The following KCNK13 variants were observed in gnomAD, a reference collection of about 807,000 sequenced individuals.
KCNK13 encodes the protein potassium two pore domain channel subfamily K member 13, also known as potassium channel subfamily K member 13.
In KCNK13, 12 loss-of-function variants were observed where a neutral mutation model predicts 23.4. That is an observed-to-expected ratio of 0.51 (90% CI 0.33 to 0.83). The LOEUF is 0.83. KCNK13 is among the 40% of genes least tolerant of loss of function. The probability of loss-of-function intolerance (pLI) is 0.02; values close to 1 mark genes in which losing one functional copy is unlikely to be tolerated. For synonymous variants in KCNK13, 231 were observed against 229.5 expected (o/e 1.01, Z -0.06); for missense variants, 463 against 556.3 (o/e 0.83, Z 1.69).
intron 1 of KCNK13, among the ~76,000 whole-genome samples, chr14:90,133,244 C>T (rs933965003): frequency 9.9e-5 from 15 of 152,058 alleles, no homozygotes; most frequent in African/African-American, 3.1e-4. Context: ...AGGCACAGAC[C>T]TCAAAAACAT....
rs1555352688 is a variant in KCNK13, at chr14:90,156,214, A to AAAG, written c.335-27895_335-27894insGAA. Among the ~76,000 whole-genome samples the AAAG allele has an allele frequency of 2.0e-5, 3 of 151,922 alleles. No homozygotes were observed. In the East Asian group the frequency reaches 5.8e-4, roughly 29 times the overall value. On this transcript the variant is annotated intron_variant, in intron 1 of 1. Transcript: ENST00000282146. ...AGTGAGAGTCTGGCCAAAAAAAAAA[A>AAAG]AAACCTAAAAGACGTCAGCATAGAG...
At chr14:90,090,994 T>C in intron 1 of KCNK13, among the ~76,000 whole-genome samples, 1 of 152,190 alleles carries the variant, frequency 6.6e-6, no homozygotes, top group East Asian at 1.9e-4. Flanking sequence ...GGGAGCTCAG[T>C]GCTTCTTCTG....
chr14:90,104,791 C>CTTTTTTTT (rs66511223), intron 1 of KCNK13, among the ~76,000 whole-genome samples: 1 of 113,504 alleles, frequency 8.8e-6, no homozygotes, highest in African/African-American at 3.5e-5. Context: ...CTTTTCTTTT[C>CTTTTTTTT]TTTTTTTTTT....
chr14:90,103,897 C>T lies in KCNK13; in HGVS notation c.334+41358C>T, dbSNP rs561322331. 5.3e-5 allele frequency among the ~76,000 whole-genome samples: 8 copies of T among 152,208 alleles called. No individual in the cohort carries two copies. The South Asian group carries it at 1.7e-3, about 32-fold the overall frequency. ...TTTTGTTGTTGTTGTTTCTCTCTCT[C>T]TCCTGGACCAGAGAGATCTCTAAGT... On this transcript the variant is annotated intron_variant, in intron 1 of 1. Coordinates refer to ENST00000282146, the MANE Select transcript of KCNK13 (RefSeq NM_022054.4).
intron 1 of KCNK13, among the ~76,000 whole-genome samples, chr14:90,069,101 A>G (rs374737700): frequency 4.5e-5 from 6 of 132,558 alleles, no homozygotes; most frequent in East Asian, 4.5e-4. Flanking sequence ...CAGTGGCGCG[A>G]TCTTGGCTCA....
chr14:90,184,632 T>C lies in KCNK13; in HGVS notation c.856T>C (p.Ser286Pro). 1 of 1,614,200 alleles carries C rather than the reference T, an allele frequency of 6.2e-7. No individual in the cohort carries two copies. The highest frequency in any genetic ancestry group is 8.5e-7 in the Non-Finnish European group (1 of 1,180,034). ...TGTCATCTCTATCCTCATCAAACAGTCCTTGAACTGGATCCTGAGGAAAAT... is the reference window on the plus strand; with the variant it reads ...TGTCATCTCTATCCTCATCAAACAGCCCTTGAACTGGATCCTGAGGAAAAT... Reference protein sequence around the residue: ...FNVISILIKQSLNWILRKMDS... With the variant: ...FNVISILIKQPLNWILRKMDS... Residue 286 changes from serine to proline, a missense_variant, in exon 2 of 2, where the codon TCC becomes CCC. Physicochemically the swap from Ser to Pro is moderately conservative, Grantham distance 74. Coordinates refer to ENST00000282146, the MANE Select transcript of KCNK13 (RefSeq NM_022054.4). This position sits in a 1 kb window ranked among gnomAD's most constrained non-coding sequence, Gnocchi z 5.6.
rs1013851032 is a variant in KCNK13, at chr14:90,107,630, A to C, written c.334+45091A>C. 31 of 611,390 alleles carry C rather than the reference A, an allele frequency of 5.1e-5. 1 individual carries two copies. Among genetic ancestry groups the C allele is most frequent in the Non-Finnish European group, 9.1e-6 (3 of 331,320 alleles). The allele number at this position is 611,390 out of a possible 1,614,324, so 37.9% of individuals were successfully genotyped here. A position where few individuals can be genotyped will look rare whatever the true frequency, so the allele number is the denominator to read the frequency against. On this transcript the variant is annotated intron_variant, in intron 1 of 1. Transcript: ENST00000282146. ...AGGTTTGGCTCAATACTCATGCAATACCTACAACTGAGGATTCTTCCCAGG... is the reference window on the plus strand; with the variant it reads ...AGGTTTGGCTCAATACTCATGCAATCCCTACAACTGAGGATTCTTCCCAGG...
At chr14:90,114,742 C>T (rs950373692) in intron 1 of KCNK13, among the ~76,000 whole-genome samples, 7 of 152,164 alleles carry the variant, frequency 4.6e-5, no homozygotes, top group African/African-American at 9.7e-5. Context: ...CCTGATTCTC[C>T]GGGTGTTCCT....
chr14:90,100,719 C>A (rs941601010), intron 1 of KCNK13, among the ~76,000 whole-genome samples: 2 of 152,098 alleles, frequency 1.3e-5, no homozygotes, highest in Non-Finnish European at 2.9e-5. Context: ...TGGGACGGGG[C>A]CTTGCTTTGT....
Position 90,184,616 on chromosome 14 carries a change from T to C in KCNK13, c.840T>C (p.Ser280=). Residue 280 remains serine, a synonymous_variant, in exon 2 of 2, where the codon TCT becomes TCC. Transcript: ENST00000282146. This position sits in a 1 kb window ranked among gnomAD's most constrained non-coding sequence, Gnocchi z 5.6. ...CCIYSLFNVI[S]ILIKQSLNWI... ...TCTACTCCTTGTTCAATGTCATCTC[T>C]ATCCTCATCAAACAGTCCTTGAACT... 1.9e-6 allele frequency: 3 copies of C among 1,614,242 alleles called. No homozygotes were observed. Among genetic ancestry groups the C allele is most frequent in the Non-Finnish European group, 2.5e-6 (3 of 1,180,044 alleles).
At chr14:90,178,709 G>C (rs1037769793) in intron 1 of KCNK13, among the ~76,000 whole-genome samples, 2 of 152,124 alleles carry the variant, frequency 1.3e-5, no homozygotes, top group Admixed American at 6.5e-5. Context: ...AAAAGTGTCT[G>C]ACACATATTC....
chr14:90,094,645 C>CTTT (rs778654067), intron 1 of KCNK13, among the ~76,000 whole-genome samples: 102 of 111,616 alleles, frequency 9.1e-4, no homozygotes, highest in African/African-American at 1.1e-3. Context: ...TCTTTTTTTT[C>CTTT]TTTTTTTTTT....
At chr14:90,075,499 AAC>A (rs1370102795) in intron 1 of KCNK13, among the ~76,000 whole-genome samples, 2 of 151,984 alleles carry the variant, frequency 1.3e-5, no homozygotes, top group African/African-American at 2.4e-5. Flanking sequence ...CTTTTTTTGA[AAC>A]AGAGTCTGGC....
At chr14:90,153,420 G>A (rs1351887366) in intron 1 of KCNK13, among the ~76,000 whole-genome samples, 1 of 152,176 alleles carries the variant, frequency 6.6e-6, no homozygotes, top group Non-Finnish European at 1.5e-5. Context: ...ACAGTTTCCT[G>A]AATAAAATGA....
intron 1 of KCNK13, among the ~76,000 whole-genome samples, chr14:90,066,350 C>T (rs1014547545): frequency 1.9e-4 from 29 of 151,640 alleles, no homozygotes; most frequent in African/African-American, 7.0e-4. Context: ...CTGCAACGTC[C>T]GTGCCTCCCA....
intron 1 of KCNK13, among the ~76,000 whole-genome samples, chr14:90,180,704 C>T (rs1890475033): frequency 6.6e-6 from 1 of 152,292 alleles, no homozygotes; most frequent in South Asian, 2.1e-4. Flanking sequence ...AAACCTCATT[C>T]ACTGGAAAAA....
chr14:90,184,706 CA>C lies in KCNK13; in HGVS notation c.931del (p.Arg311GlyfsTer4). On this transcript the variant is annotated frameshift_variant, in exon 2 of 2. Coordinates refer to ENST00000282146, the MANE Select transcript of KCNK13 (RefSeq NM_022054.4). LOFTEE classifies it high-confidence loss of function. The surrounding 1 kb of genome is among the most constrained non-coding windows in gnomAD (Gnocchi z 5.6). The stretch of plus-strand genomic sequence containing the variant: ...GCCAGAGAGGACTCTTGCGATCACG[CA>C]GGAACGTGGTGATGCCAGGCAGCGT... ...QCQRGLLRSR[R>X]NVVMPGSVRN... 1 of 1,614,228 alleles carries C rather than the reference CA, an allele frequency of 6.2e-7. No homozygotes were observed. Among genetic ancestry groups the C allele is most frequent in the Non-Finnish European group, 8.5e-7 (1 of 1,180,054 alleles).
chr14:90,167,767 A>C (rs1034549325), intron 1 of KCNK13, among the ~76,000 whole-genome samples: 2 of 151,954 alleles, frequency 1.3e-5, no homozygotes, highest in Non-Finnish European at 2.9e-5. Context: ...TTCCTCTGCT[A>C]CCCCCACCCC....
At chr14:90,155,031 T>C (rs1446505578) in intron 1 of KCNK13, among the ~76,000 whole-genome samples, 1 of 152,148 alleles carries the variant, frequency 6.6e-6, no homozygotes, top group Non-Finnish European at 1.5e-5. Context: ...TACATTCTAA[T>C]AGGAGAGACA....
Sources: allele counts gnomAD v4.1 joint callset (sites outside exome capture counted in the v4.1 genomes callset), GRCh38; gene constraint gnomAD v4.1.1; non-coding constraint Gnocchi (gnomAD v3.1); transcripts MANE v1.5; gene names NCBI Gene and HGNC (gene_info 2026-07-23, HGNC 2026-07-21).